CWC27: variants seen among roughly 807,000 people sequenced by gnomAD.
CWC27 encodes the protein spliceosome-associated protein CWC27 homolog.
In CWC27, 47 loss-of-function variants were observed where a neutral mutation model predicts 63.6. That is an observed-to-expected ratio of 0.74 (90% CI 0.58 to 0.94). The LOEUF is 0.94. Ranked by LOEUF, CWC27 falls within the 40% of genes least tolerant of loss-of-function variation. The probability of loss-of-function intolerance (pLI) is 0.00; values close to 1 mark genes in which losing one functional copy is unlikely to be tolerated. For synonymous variants in CWC27, 175 were observed against 179.8 expected, an observed-to-expected ratio of 0.97 and a Z score of 0.22; for missense variants, 495 against 554.3, an observed-to-expected ratio of 0.89 and a Z score of 1.07.
At chr5:64,885,583 ACTC>A (rs1747051161) in intron 11 of CWC27, 37 bp downstream of exon 11, 1 of 1,442,276 alleles carries the variant, frequency 6.9e-7, no homozygotes, top group Non-Finnish European at 9.6e-7. Flanking sequence ...TTCACTTGAT[ACTC>A]CTCCTTCTCT....
At chr5:64,849,204 A>C (rs1206188935) in intron 10 of CWC27, among the ~76,000 whole-genome samples, 1 of 151,258 alleles carries the variant, frequency 6.6e-6, no homozygotes, top group African/African-American at 2.4e-5. Context: ...AGAAATCAAA[A>C]GAACACTCCT....
chr5:64,910,426 AGTCT>A (rs2112377226), intron 11 of CWC27, among the ~76,000 whole-genome samples: 1 of 152,340 alleles, frequency 6.6e-6, no homozygotes, highest in East Asian at 1.9e-4. Context: ...TTAAGGAGGC[AGTCT>A]GTCCATTCTC....
At chr5:64,998,831 T>C (rs1208119809) in intron 13 of CWC27, among the ~76,000 whole-genome samples, 1 of 152,104 alleles carries the variant, frequency 6.6e-6, no homozygotes, top group African/African-American at 2.4e-5. Context: ...TTTTTTGTTC[T>C]TATTTTTCTC....
chr5:64,830,405 T>A (rs1745487112), intron 10 of CWC27, among the ~76,000 whole-genome samples: 1 of 152,156 alleles, frequency 6.6e-6, no homozygotes, highest in African/African-American at 2.4e-5. Flanking sequence ...ATTCTTTCTT[T>A]ACACCTTATA....
chr5:64,897,891 C>T (rs1045396095), intron 11 of CWC27, among the ~76,000 whole-genome samples: 1 of 152,066 alleles, frequency 6.6e-6, no homozygotes, highest in Admixed American at 6.6e-5. Flanking sequence ...AACTCAAAAT[C>T]TATGAAGCAA....
intron 10 of CWC27, among the ~76,000 whole-genome samples, chr5:64,833,829 A>T (rs779652063): frequency 2.0e-5 from 3 of 151,656 alleles, no homozygotes; most frequent in Non-Finnish European, 3.0e-5. Flanking sequence ...TATTCAGAAC[A>T]TATAAGCTCT....
chr5:64,866,915 C>G (rs1746542903), intron 10 of CWC27, among the ~76,000 whole-genome samples: 1 of 152,040 alleles, frequency 6.6e-6, no homozygotes, highest in African/African-American at 2.4e-5. Flanking sequence ...CACCTTTGAT[C>G]ACTCACTACA....
intron 12 of CWC27, chr5:64,972,620 C>A (rs974667795): frequency 1.4e-4 from 63 of 442,144 alleles, no homozygotes; most frequent in Admixed American, 2.5e-4. Flanking sequence ...AAGCCCAAAC[C>A]TGTCTGGATA....
chr5:64,920,569 G>A (rs1747978168), intron 11 of CWC27, among the ~76,000 whole-genome samples: 1 of 152,184 alleles, frequency 6.6e-6, no homozygotes, highest in African/African-American at 2.4e-5. Flanking sequence ...GAATTCAGCT[G>A]TGAATCCATC....
Position 64,771,729 on chromosome 5 carries a change from A to G in CWC27, c.42+2541A>G, listed in dbSNP as rs115309391. Among the ~76,000 whole-genome samples, 1,440 of 152,308 alleles carry G rather than the reference A, an allele frequency of 9.5e-3. 20 individuals are homozygous for G. Among genetic ancestry groups the G allele is most frequent in the Middle Eastern group, 0.027 (8 of 294 alleles). Reference sequence around the variant, plus strand: ...GAAACATGATATTATCAAGGTATTAATTGGGAATTTTAAGAGAAAGAGCCA... The same window carrying G: ...GAAACATGATATTATCAAGGTATTAGTTGGGAATTTTAAGAGAAAGAGCCA... On this transcript the variant is annotated intron_variant, in intron 1 of 13. Transcript: ENST00000381070.
intron 13 of CWC27, among the ~76,000 whole-genome samples, chr5:64,982,721 A>C (rs1749351640): frequency 6.6e-6 from 1 of 152,102 alleles, no homozygotes; most frequent in Non-Finnish European, 1.5e-5. Flanking sequence ...AGCTAAATGA[A>C]CTTAGCCAAC....
At chr5:64,958,981 G>C (rs1748854116) in intron 11 of CWC27, among the ~76,000 whole-genome samples, 1 of 152,000 alleles carries the variant, frequency 6.6e-6, no homozygotes, top group Admixed American at 6.6e-5. Flanking sequence ...GAGGCTTATT[G>C]ACCACCAGAT....
At chr5:65,004,522 C>T (rs975327646) in intron 13 of CWC27, among the ~76,000 whole-genome samples, 6 of 150,114 alleles carry the variant, frequency 4.0e-5, no homozygotes, top group Non-Finnish European at 8.9e-5. Context: ...TTGAATTCTT[C>T]AGTTTTAGAC....
intron 10 of CWC27, among the ~76,000 whole-genome samples, chr5:64,821,113 T>C (rs2112246377): frequency 7.5e-6 from 1 of 133,474 alleles, no homozygotes; most frequent in South Asian, 2.3e-4. Flanking sequence ...TTTGAGAGAG[T>C]CTCACTCTGT....
intron 11 of CWC27, among the ~76,000 whole-genome samples, chr5:64,925,789 C>A (rs1417653783): frequency 6.6e-6 from 1 of 152,176 alleles, no homozygotes; most frequent in African/African-American, 2.4e-5. Flanking sequence ...ATTACTTCCC[C>A]AGACAGATTC....
At chr5:64,877,928 C>T (rs931603236) in intron 10 of CWC27, among the ~76,000 whole-genome samples, 1 of 151,786 alleles carries the variant, frequency 6.6e-6, no homozygotes, top group African/African-American at 2.4e-5. Flanking sequence ...CTCAGCATCT[C>T]GCTGCTTCCT....
chr5:64,857,714 T>A (rs1366758042), intron 10 of CWC27, among the ~76,000 whole-genome samples: 3 of 152,216 alleles, frequency 2.0e-5, no homozygotes, highest in Non-Finnish European at 4.4e-5. Flanking sequence ...TCATGTTTTC[T>A]TCTGGATTTA....
At chr5:64,824,615 A>G (rs538682006) in intron 10 of CWC27, among the ~76,000 whole-genome samples, 2 of 146,254 alleles carry the variant, frequency 1.4e-5, no homozygotes, top group South Asian at 4.6e-4. Flanking sequence ...GTGTGAGGGT[A>G]TGTCAGTCCT....
intron 13 of CWC27, among the ~76,000 whole-genome samples, chr5:64,981,138 C>G (rs1006697282): frequency 1.3e-5 from 2 of 151,946 alleles, no homozygotes; most frequent in African/African-American, 4.8e-5. Context: ...AGAATGCAGA[C>G]ACACTCAAAA....
Sources: allele counts gnomAD v4.1 joint callset (sites outside exome capture counted in the v4.1 genomes callset), GRCh38; gene constraint gnomAD v4.1.1; transcripts MANE v1.5; gene names NCBI Gene and HGNC (gene_info 2026-07-23, HGNC 2026-07-21).